The following FAM156A variants were observed in gnomAD, a reference collection of about 807,000 sequenced individuals.
The protein encoded by FAM156A is protein FAM156A/FAM156B.
At chrX:52,979,405 C>T (rs1485948361) in intron 1 of FAM156A, among the ~76,000 whole-genome samples, 2 of 111,211 alleles carry the variant, frequency 1.8e-5, no homozygotes, top group Non-Finnish European at 3.8e-5. Flanking sequence ...CCTTCTTGCA[C>T]CGTCATTTCC....
intron 1 of FAM156A, among the ~76,000 whole-genome samples, chrX:52,986,256 TAAA>T (rs1930280141): frequency 9.7e-6 from 1 of 103,423 alleles, no homozygotes; most frequent in Admixed American, 1.0e-4. Context: ...AATAAAAAAA[TAAA>T]ATCACTGCAG....
chrX:52,982,831 A>C (rs1397962266), intron 1 of FAM156A, among the ~76,000 whole-genome samples: 1 of 113,187 alleles, frequency 8.8e-6, no homozygotes, highest in Non-Finnish European at 1.9e-5. Flanking sequence ...TTTTGTCTCT[A>C]TCATTTATTT....
chrX:52,991,873 C>A (rs950843616), intron 1 of FAM156A, among the ~76,000 whole-genome samples: 1 of 109,230 alleles, frequency 9.2e-6, no homozygotes, highest in Admixed American at 9.7e-5. Context: ...GACCAGTTGT[C>A]TCACCTCTCC....
intron 1 of FAM156A, among the ~76,000 whole-genome samples, chrX:52,976,953 A>G (rs1229932604): frequency 9.1e-6 from 1 of 110,276 alleles, no homozygotes; most frequent in Non-Finnish European, 1.9e-5. Context: ...GGAACTTGCC[A>G]AAAGTCACAT....
chrX:52,992,871 G>T (rs1556795899), intron 1 of FAM156A, among the ~76,000 whole-genome samples: 15 of 111,315 alleles, frequency 1.3e-4, no homozygotes. Context: ...CATGGTTCCT[G>T]TATTATCATA....
At chrX:52,992,289 C>T (rs1035549267) in intron 1 of FAM156A, among the ~76,000 whole-genome samples, 1 of 111,666 alleles carries the variant, frequency 9.0e-6, no homozygotes, top group African/African-American at 3.3e-5. Flanking sequence ...GGGAGATGGA[C>T]CCCAACATCT....
chrX:52,987,647 CAA>C (rs782773978), intron 1 of FAM156A, among the ~76,000 whole-genome samples: 20 of 71,581 alleles, frequency 2.8e-4, no homozygotes, highest in Admixed American at 6.6e-4. Flanking sequence ...GACCCTGTCT[CAA>C]AAAAAAAAAA....
In FAM156A at chrX:52,973,235, A is replaced by C. The variant is rs1160594550; in HGVS notation, c.-433-9000T>G. On this transcript the variant is annotated intron_variant, in intron 1 of 4. Coordinates refer to the FAM156A transcript ENST00000610625. Reference sequence around the variant, plus strand: ...ATAAATAAAAATTAAAAAATTAAAAAAAAATAAATTCACATTTATAGCTGC... The same window carrying C: ...ATAAATAAAAATTAAAAAATTAAAACAAAATAAATTCACATTTATAGCTGC... Among the ~76,000 whole-genome samples the C allele has an allele frequency of 2.9e-5, 3 of 104,372 alleles. No individual in the cohort carries two copies. In the East Asian group the frequency reaches 8.6e-4, roughly 30 times the overall value. The allele number at this position is 104,372 out of a possible 115,157, so 90.6% of individuals were successfully genotyped here.
chrX:52,991,819 C>T (rs1556795675), intron 1 of FAM156A, among the ~76,000 whole-genome samples: 1 of 109,355 alleles, frequency 9.1e-6, no homozygotes, highest in Non-Finnish European at 1.9e-5. Flanking sequence ...GACAGTGGGC[C>T]TGTACTCAGC....
chrX:52,977,015 C>CAT (rs781820152), intron 1 of FAM156A, among the ~76,000 whole-genome samples: 84 of 103,633 alleles, frequency 8.1e-4, no homozygotes, highest in African/African-American at 1.3e-3. Flanking sequence ...TGGCACTATA[C>CAT]ATATATATAT....
chrX:52,975,260 G>A (rs1556791873), intron 1 of FAM156A, among the ~76,000 whole-genome samples: 1 of 111,467 alleles, frequency 9.0e-6, no homozygotes, highest in African/African-American at 3.3e-5. Flanking sequence ...GAGCTTTCTG[G>A]GTCTGTGGGT....
exon 1 of FAM156A, chrX:52,995,336 G>A (rs897598657): frequency 9.7e-5 from 11 of 112,962 alleles, no homozygotes; most frequent in African/African-American, 2.9e-4. Flanking sequence ...GAACTTTGCC[G>A]GGGTGGCATC....
intron 1 of FAM156A, among the ~76,000 whole-genome samples, chrX:52,991,985 C>T (rs1324795451): frequency 9.5e-6 from 1 of 105,393 alleles, no homozygotes; most frequent in Non-Finnish European, 2.0e-5. Flanking sequence ...TGATCCGGGG[C>T]AATTTAGTCC....
chrX:52,978,406 A>G lies in FAM156A; in HGVS notation c.-433-14171T>C, dbSNP rs782465704. 2.1e-3 allele frequency among the ~76,000 whole-genome samples: 230 copies of G among 112,090 alleles called. 1 individual carries two copies. The highest frequency in any genetic ancestry group is 2.3e-3 in the Non-Finnish European group (125 of 53,258). On this transcript the variant is annotated intron_variant, in intron 1 of 4. Transcript: ENST00000610625. Reference sequence around the variant, plus strand: ...CAGACAACTGTACATGTCTTCACACAGTCAGTGCTCTAAACTGCCCCAAGA... The same window carrying G: ...CAGACAACTGTACATGTCTTCACACGGTCAGTGCTCTAAACTGCCCCAAGA...
intron 1 of FAM156A, among the ~76,000 whole-genome samples, chrX:52,983,707 C>A (rs1383218412): frequency 4.5e-5 from 5 of 112,088 alleles, no homozygotes; most frequent in Admixed American, 9.5e-5. Flanking sequence ...AGGACAAAAA[C>A]CAAAATTTGA....
At chrX:52,987,286 A>G (rs782571516) in intron 1 of FAM156A, among the ~76,000 whole-genome samples, 12 of 112,334 alleles carry the variant, frequency 1.1e-4, no homozygotes, top group South Asian at 3.7e-4. Context: ...TGCAATTCCA[A>G]TGAAATTCCC....
intron 1 of FAM156A, among the ~76,000 whole-genome samples, chrX:52,991,155 T>C (rs1417635560): frequency 7.2e-5 from 8 of 111,623 alleles, no homozygotes; most frequent in African/African-American, 2.3e-4. Context: ...GTTATGGGAA[T>C]TGGCTCATGT....
At chrX:52,992,845 G>C (rs1056431220) in intron 1 of FAM156A, among the ~76,000 whole-genome samples, 2 of 111,158 alleles carry the variant, frequency 1.8e-5, no homozygotes, top group Non-Finnish European at 3.8e-5. Context: ...ACTGGAAGTA[G>C]AAATGTCATG....
chrX:52,991,347 T>C (rs954755053), intron 1 of FAM156A, among the ~76,000 whole-genome samples: 18 of 110,216 alleles, frequency 1.6e-4, no homozygotes, highest in African/African-American at 5.0e-4. Flanking sequence ...GAAGACGGGG[T>C]GTCCCAACTC....
Sources: gnomAD v4.1 joint callset for allele counts (sites outside exome capture counted in the v4.1 genomes callset) on GRCh38, gnomAD v4.1.1 for gene constraint, MANE v1.5 for transcripts, NCBI Gene and HGNC (gene_info 2026-07-23, HGNC 2026-07-21) for gene names.